Variants in COL5A1 observed in about 807,000 individuals in gnomAD.
COL5A1 encodes the protein collagen alpha-1(V) chain.
Under a neutral mutation model 263.7 loss-of-function variants are expected in COL5A1, and 16 were observed. The observed-to-expected ratio is 0.06, with a 90% confidence interval of 0.04 to 0.09. The LOEUF is 0.09. Among genes scored for constraint, COL5A1 ranks in the 10% least tolerant of loss-of-function variants. The pLI, the probability that COL5A1 is intolerant of heterozygous loss-of-function variation, is 1.00. For synonymous variants in COL5A1, 1,012 were observed against 1,004.5 expected, an observed-to-expected ratio of 1.01 and a Z score of -0.14; for missense variants, 2,036 against 2,540.5, an observed-to-expected ratio of 0.80 and a Z score of 4.27.
intron 31 of COL5A1, among the ~76,000 whole-genome samples, chr9:134,788,805 T>TAGAC (rs1837565255): frequency 7.2e-6 from 1 of 139,696 alleles, no homozygotes; most frequent in African/African-American, 2.7e-5. Context: ...GGTAGACAGG[T>TAGAC]GGATGAATGG....
chr9:134,801,623 C>T (rs1212523573), intron 37 of COL5A1, among the ~76,000 whole-genome samples: 3 of 152,084 alleles, frequency 2.0e-5, no homozygotes, highest in African/African-American at 7.2e-5. Flanking sequence ...CCTGTCTCTA[C>T]TAAAAATACA....
chr9:134,734,786 C>T (rs892088200), intron 9 of COL5A1, among the ~76,000 whole-genome samples: 2 of 152,214 alleles, frequency 1.3e-5, no homozygotes, highest in Non-Finnish European at 2.9e-5. Flanking sequence ...TTAGGGGCAT[C>T]CAAATCACCA....
chr9:134,812,772 GTCTGTGTGTGTGTGTC>G, intron 48 of COL5A1, 60 bp downstream of exon 48: 1 of 739,392 alleles, frequency 1.4e-6, no homozygotes, highest in Non-Finnish European at 1.9e-6. Flanking sequence ...GTGTGTGTGT[GTCTGTGTGTGTGTGTC>G]TGTGTGTATG....
rs763246328 is a variant in COL5A1, at chr9:134,753,856, C to T, written c.1726C>T (p.Pro576Ser). 126 of 1,613,380 alleles carry T rather than the reference C, an allele frequency of 7.8e-5. No homozygotes were observed. The highest frequency in any genetic ancestry group is 1.0e-4 in the Non-Finnish European group (119 of 1,179,790). The change falls in exon 15 of 66, where the codon CCT becomes TCT. Residue 576 changes from proline (P) to serine (S), a missense_variant. Around this residue, in one of 3 missense-constraint regions of COL5A1, gnomAD observed 1,078 missense variants for 1,521.4 expected, o/e 0.71. Coordinates refer to ENST00000371817, the MANE Select transcript of COL5A1 (RefSeq NM_000093.5). ...LTGRPGPVGP[P>S]GSGGLKGEPG... ...ACACACCATGTCTCCCTAGGGTCCCCCTGGGAGCGGAGGTTTGAAGGGCGA... is the reference window on the plus strand; with the variant it reads ...ACACACCATGTCTCCCTAGGGTCCCTCTGGGAGCGGAGGTTTGAAGGGCGA...
rs565599245 is a variant in COL5A1 at position 134,811,993 on chromosome 9, C to G, written c.3690+394C>G. Among the ~76,000 whole-genome samples, 8 of 152,314 alleles carry G rather than the reference C, an allele frequency of 5.3e-5. No individual in the cohort carries two copies. In the South Asian group the frequency reaches 1.7e-3, roughly 32 times the overall value. On this transcript the variant is annotated intron_variant, in intron 46 of 65. Transcript: ENST00000371817. ...TTGTATTTGGTGTTTGACAATGAATCATGTCATAAGTCAGAGAGAAAGTTT... is the reference window on the plus strand; with the variant it reads ...TTGTATTTGGTGTTTGACAATGAATGATGTCATAAGTCAGAGAGAAAGTTT...
At chr9:134,691,154 A>G in intron 2 of COL5A1, 75 bp downstream of exon 2, 3 of 1,579,312 alleles carry the variant, frequency 1.9e-6, no homozygotes, top group Admixed American at 3.4e-5. Flanking sequence ...GCAGCGCTCA[A>G]GCCTGCGTGG....
chr9:134,688,529 G>T (rs1236815777), intron 1 of COL5A1, among the ~76,000 whole-genome samples: 1 of 152,200 alleles, frequency 6.6e-6, no homozygotes, highest in Non-Finnish European at 1.5e-5. Context: ...GCCCACCAAA[G>T]CCTTCTTTGC....
intron 27 of COL5A1, among the ~76,000 whole-genome samples, chr9:134,775,135 G>A (rs1191667940): frequency 1.3e-5 from 2 of 152,252 alleles, no homozygotes; most frequent in African/African-American, 4.8e-5. Flanking sequence ...CTGATATGGA[G>A]CACAGGACAG....
In COL5A1 at chr9:134,749,166, C is replaced by T. The variant is rs550171791; in HGVS notation, c.1495-1376C>T. Among the ~76,000 whole-genome samples the T allele has an allele frequency of 3.9e-5, 6 of 152,168 alleles. No homozygotes were observed. The South Asian group carries it at 1.2e-3, about 32-fold the overall frequency. On this transcript the variant is annotated intron_variant, in intron 11 of 65. Coordinates refer to ENST00000371817, the MANE Select transcript of COL5A1 (RefSeq NM_000093.5). ...CAGAGAATTGCTTGAACCGGGGAGG[C>T]GGAGGTTGCAGTGAGCTGAGATCAT...
intron 39 of COL5A1, among the ~76,000 whole-genome samples, chr9:134,803,851 G>GA (rs35722600): frequency 0.053 from 7,788 of 148,086 alleles, 203 homozygotes; most frequent in Non-Finnish European, 0.064. Context: ...TCAAAAAAAA[G>GA]AAAAAAAAAC....
intron 13 of COL5A1, among the ~76,000 whole-genome samples, chr9:134,751,766 T>C (rs979773239): frequency 2.6e-5 from 4 of 152,186 alleles, no homozygotes; most frequent in Non-Finnish European, 4.4e-5. Flanking sequence ...CCAGAGTAGA[T>C]GTTAATGATC....
At chr9:134,779,298 C>G (rs1323711505) in intron 27 of COL5A1, among the ~76,000 whole-genome samples, 1 of 152,188 alleles carries the variant, frequency 6.6e-6, no homozygotes, top group Non-Finnish European at 1.5e-5. Context: ...GTAATTCCAC[C>G]CCACAGATTT....
In COL5A1 at chr9:134,686,989, C is replaced by G. The variant is rs1564387681; in HGVS notation, c.110-3923C>G. 1.3e-5 allele frequency among the ~76,000 whole-genome samples: 2 copies of G among 152,102 alleles called. No homozygotes were observed. The highest frequency in any genetic ancestry group is 4.2e-4 in the South Asian group (2 of 4,818). On this transcript the variant is annotated intron_variant, in intron 1 of 65. Transcript: ENST00000371817. This position sits in a 1 kb window ranked among gnomAD's most constrained non-coding sequence, Gnocchi z 4.6. ...CAGGTGGATACAGTCTCCGGGAGAC[C>G]CGGCGTGGTGGGGTCAGGAGGCCCC... is the stretch of plus-strand genomic sequence containing the variant.
At chr9:134,734,683 C>T (rs900129483) in intron 9 of COL5A1, among the ~76,000 whole-genome samples, 23 of 152,352 alleles carry the variant, frequency 1.5e-4, no homozygotes, top group Middle Eastern at 3.4e-3. Flanking sequence ...CAGGAATCCA[C>T]GGAACCGAGA....
intron 39 of COL5A1, among the ~76,000 whole-genome samples, chr9:134,804,721 GCCC>G (rs1289381997): frequency 1.3e-5 from 2 of 152,212 alleles, no homozygotes; most frequent in Non-Finnish European, 2.9e-5. Context: ...GCCAGGAGAA[GCCC>G]AATCCAACCC....
Position 134,742,604 on chromosome 9 carries a change from A to C in COL5A1, c.1494+3796A>C, listed in dbSNP as rs191422830. On this transcript the variant is annotated intron_variant, in intron 11 of 65. Coordinates refer to ENST00000371817, the MANE Select transcript of COL5A1 (RefSeq NM_000093.5). This position sits in a 1 kb window ranked among gnomAD's most constrained non-coding sequence, Gnocchi z 4.6. ...TTGAGGTTCAGAGGAAACCCAAGAG[A>C]GCTGGGAGTCCCCAAGTGAGCTGCA... Among the ~76,000 whole-genome samples the C allele has an allele frequency of 6.6e-6, 1 of 152,176 alleles. No individual in the cohort carries two copies.
intron 18 of COL5A1, among the ~76,000 whole-genome samples, chr9:134,760,262 CTGAT>C (rs1836296161): frequency 7.7e-5 from 9 of 117,474 alleles, no homozygotes; most frequent in East Asian, 2.8e-4. Flanking sequence ...ACACCCCACA[CTGAT>C]ACACACATGC....
At position 134,844,301 on chromosome 9, in the gene COL5A1, TC is replaced by T. The variant is rs1352876756; in HGVS notation, c.*1999del. The T allele has an allele frequency of 6.6e-6, 1 of 152,616 alleles. No individual in the cohort carries two copies. The highest frequency in any genetic ancestry group is 2.4e-5 in the African/African-American group (1 of 41,440). 9.5% of individuals were successfully genotyped at this position (152,616 alleles called of 1,614,324 possible). A position where few individuals can be genotyped will look rare whatever the true frequency, so the allele number is the denominator to read the frequency against. Reference sequence around the variant, plus strand: ...CAGCATGTGCCAATGACTGTCACCTTCATCTCTTCAAAAGAAAAGCCATAGC... The same window carrying T: ...CAGCATGTGCCAATGACTGTCACCTTATCTCTTCAAAAGAAAAGCCATAGC... On this transcript the variant is annotated 3_prime_UTR_variant, in exon 66 of 66. Transcript: ENST00000371817.
Position 134,687,271 on chromosome 9 carries a change from T to C in COL5A1, c.110-3641T>C, listed in dbSNP as rs1588437777. Among the ~76,000 whole-genome samples, 3 of 152,202 alleles carry C rather than the reference T, an allele frequency of 2.0e-5. No homozygotes were observed. In the East Asian group the frequency reaches 5.8e-4, roughly 29 times the overall value. On this transcript the variant is annotated intron_variant, in intron 1 of 65. Transcript: ENST00000371817. ...GTCTCTCTGATTGGCAGATTCTAATTTGCACCCTGCATCCTTATGCAAAGG... is the reference window on the plus strand; with the variant it reads ...GTCTCTCTGATTGGCAGATTCTAATCTGCACCCTGCATCCTTATGCAAAGG...
Sources: gnomAD v4.1 joint callset for allele counts (sites outside exome capture counted in the v4.1 genomes callset) on GRCh38, gnomAD v4.1.1 for gene constraint, gnomAD v4.1.1 regional missense constraint, Gnocchi (gnomAD v3.1) non-coding constraint, MANE v1.5 for transcripts, NCBI Gene and HGNC (gene_info 2026-07-23, HGNC 2026-07-21) for gene names.